ATP6V0D2: variants seen among roughly 807,000 people sequenced by gnomAD.
ATP6V0D2 encodes V-type proton ATPase subunit d 2.
In ATP6V0D2, 40 loss-of-function variants were observed where a neutral mutation model predicts 40.0. The observed-to-expected ratio is 1.00, with a 90% CI of 0.78 to 1.30. ATP6V0D2 has a LOEUF of 1.30. ATP6V0D2 is among the 50% of genes most tolerant of loss of function. The pLI, the probability that ATP6V0D2 is intolerant of heterozygous loss-of-function variation, is 0.00. For synonymous variants in ATP6V0D2, 179 were observed against 156.3 expected, an observed-to-expected ratio of 1.15 and a Z score of -1.08; for missense variants, 470 against 423.1, an observed-to-expected ratio of 1.11 and a Z score of -0.97.
rs749635818 is a variant in ATP6V0D2, at chr8:86,099,023, C to T, written c.45C>T (p.Tyr15=). 1.9e-5 allele frequency: 31 copies of T among 1,613,902 alleles called. No individual in the cohort carries two copies. Among genetic ancestry groups the T allele is most frequent in the Middle Eastern group, 1.6e-4 (1 of 6,084 alleles). Residue 15 remains tyrosine, a synonymous_variant, in exon 1 of 8, where the codon TAC becomes TAT. Transcript: ENST00000285393. ...TGTACTTCAACGTGGACCATGGCTACCTGGAGGGCCTGGTTCGAGGATGCA... is the reference window on the plus strand; with the variant it reads ...TGTACTTCAACGTGGACCATGGCTATCTGGAGGGCCTGGTTCGAGGATGCA... ...AELYFNVDHG[Y]LEGLVRGCKA... is the part of the protein sequence containing the mutation.
At chr8:86,136,157 A>G (rs1267425247) in intron 2 of ATP6V0D2, among the ~76,000 whole-genome samples, 4 of 152,170 alleles carry the variant, frequency 2.6e-5, no homozygotes, top group African/African-American at 9.7e-5. Context: ...ACTCAGTAAG[A>G]GTTGAAATAA....
At chr8:86,122,829 G>T (rs1818687380) in intron 2 of ATP6V0D2, among the ~76,000 whole-genome samples, 2 of 152,170 alleles carry the variant, frequency 1.3e-5, no homozygotes, top group Admixed American at 1.3e-4. Context: ...TTTGTGTTTG[G>T]AGATGACATG....
intron 5 of ATP6V0D2, among the ~76,000 whole-genome samples, chr8:86,144,847 T>A (rs2008520): frequency 0.054 from 8,167 of 151,682 alleles, 314 homozygotes; most frequent in Non-Finnish European, 0.083. Flanking sequence ...TTTTATTTTT[T>A]AAAAAAGTTT....
In ATP6V0D2 at chr8:86,150,261, G is replaced by A; in HGVS notation, c.789G>A (p.Gln263=). The A allele has an allele frequency of 5.6e-6, 9 of 1,613,340 alleles. No individual in the cohort carries two copies. Among genetic ancestry groups the A allele is most frequent in the Non-Finnish European group, 7.6e-6 (9 of 1,179,876 alleles). The change falls in exon 6 of 8, where the codon CAG becomes CAA. Residue 263 remains glutamine, a synonymous_variant. Transcript: ENST00000285393. ...TGGCTCAAGCAGAAGACTTTGACCAGATGAAGAACGTAGCGGATCATTACG... is the reference window on the plus strand; with the variant it reads ...TGGCTCAAGCAGAAGACTTTGACCAAATGAAGAACGTAGCGGATCATTACG... ...RLLAQAEDFD[Q]MKNVADHYGV...
At position 86,154,223 on chromosome 8, in the gene ATP6V0D2, C is replaced by A. The variant is rs1168105601; in HGVS notation, c.*1246C>A. 5.9e-5 allele frequency: 9 copies of A among 152,192 alleles called. No individual in the cohort carries two copies. The allele number at this position is 152,192 out of a possible 1,614,324, so 9.4% of individuals were successfully genotyped here. A position where few individuals can be genotyped will look rare whatever the true frequency, so the allele number is the denominator to read the frequency against. ...CTTTCTTTAAATAAAAGGTATATCT[C>A]TCTTTCTTGTGGTTTCTTCCTTCTT... is the stretch of plus-strand genomic sequence containing the variant. On this transcript the variant is annotated 3_prime_UTR_variant, in exon 8 of 8. Coordinates refer to ENST00000285393, the MANE Select transcript of ATP6V0D2 (RefSeq NM_152565.1).
intron 1 of ATP6V0D2, among the ~76,000 whole-genome samples, chr8:86,101,923 G>C (rs951330625): frequency 6.6e-6 from 1 of 152,088 alleles, no homozygotes; most frequent in Non-Finnish European, 1.5e-5. Flanking sequence ...GAGACTCCCA[G>C]AAATATCAAG....
At chr8:86,125,979 C>T (rs1188379543) in intron 2 of ATP6V0D2, among the ~76,000 whole-genome samples, 2 of 149,296 alleles carry the variant, frequency 1.3e-5, no homozygotes, top group Non-Finnish European at 3.0e-5. Context: ...ACTCTGTCAC[C>T]CAGGCTAGAG....
At chr8:86,149,415 A>G (rs933663055) in intron 5 of ATP6V0D2, among the ~76,000 whole-genome samples, 5 of 152,160 alleles carry the variant, frequency 3.3e-5, no homozygotes, top group Non-Finnish European at 5.9e-5. Flanking sequence ...CAGCACAGAG[A>G]AGACAGGCCG....
At chr8:86,141,386 C>T (rs537271810) in intron 3 of ATP6V0D2, 64 bp from the exon 4 acceptor site, 16 of 1,263,924 alleles carry the variant, frequency 1.3e-5, no homozygotes, top group Admixed American at 3.5e-5. Flanking sequence ...GTTCAGGATA[C>T]GTTTTCTACA....
chr8:86,142,470 T>C (rs1402759380), intron 4 of ATP6V0D2, among the ~76,000 whole-genome samples: 1 of 152,186 alleles, frequency 6.6e-6, no homozygotes, highest in Admixed American at 6.5e-5. Context: ...CTTTCCCATA[T>C]AGCTCCATGC....
At chr8:86,110,916 A>G (rs180831315) in intron 1 of ATP6V0D2, among the ~76,000 whole-genome samples, 23 of 152,252 alleles carry the variant, frequency 1.5e-4, no homozygotes, top group African/African-American at 5.1e-4. Context: ...AGCCTGCCCA[A>G]TGTGACCTAC....
chr8:86,126,045 C>T (rs945475659), intron 2 of ATP6V0D2, among the ~76,000 whole-genome samples: 2 of 149,870 alleles, frequency 1.3e-5, no homozygotes, highest in Admixed American at 1.3e-4. Flanking sequence ...TTTAGTGATT[C>T]TCCTGCCTCA....
chr8:86,126,266 T>TATATATATATATATATATATATATATA (rs1818744419), intron 2 of ATP6V0D2, among the ~76,000 whole-genome samples: 1 of 55,996 alleles, frequency 1.8e-5, no homozygotes. Flanking sequence ...ATATATATCT[T>TATATATATATATATATATATATATATA]TTTGTATATA....
intron 2 of ATP6V0D2, among the ~76,000 whole-genome samples, chr8:86,126,878 T>C (rs1162913832): frequency 6.6e-6 from 1 of 152,210 alleles, no homozygotes; most frequent in Non-Finnish European, 1.5e-5. Context: ...ACCAAGATTG[T>C]AGAGAATCTT....
chr8:86,130,885 G>T (rs754485419), intron 2 of ATP6V0D2, among the ~76,000 whole-genome samples: 3 of 152,012 alleles, frequency 2.0e-5, no homozygotes, highest in Non-Finnish European at 4.4e-5. Context: ...TTTCAATTCT[G>T]TTCTCAAGGT....
intron 2 of ATP6V0D2, among the ~76,000 whole-genome samples, chr8:86,125,848 T>A (rs923578860): frequency 2.3e-4 from 35 of 151,852 alleles, no homozygotes; most frequent in African/African-American, 7.9e-4. Context: ...TTTTAAAATG[T>A]AATCTATTAT....
At chr8:86,128,327 C>A (rs1333239512) in intron 2 of ATP6V0D2, among the ~76,000 whole-genome samples, 2 of 152,118 alleles carry the variant, frequency 1.3e-5, no homozygotes, top group East Asian at 3.9e-4. Context: ...CCGGCCTGGG[C>A]AACAAGAGTG....
At chr8:86,112,996 C>G (rs1460584532) in intron 1 of ATP6V0D2, among the ~76,000 whole-genome samples, 2 of 152,108 alleles carry the variant, frequency 1.3e-5, no homozygotes, top group African/African-American at 4.8e-5. Context: ...GCCCCCACAC[C>G]CATGGTAGCT....
intron 2 of ATP6V0D2, among the ~76,000 whole-genome samples, chr8:86,116,682 G>A (rs767605955): frequency 6.6e-6 from 1 of 152,002 alleles, no homozygotes; most frequent in Admixed American, 6.6e-5. Flanking sequence ...GGGTGGTATG[G>A]CCGTAGATCA....
Sources: gnomAD v4.1 joint callset for allele counts (sites outside exome capture counted in the v4.1 genomes callset) on GRCh38, gnomAD v4.1.1 for gene constraint, MANE v1.5 for transcripts, NCBI Gene and HGNC (gene_info 2026-07-23, HGNC 2026-07-21) for gene names.